SENP6: variants seen among roughly 807,000 people sequenced by gnomAD.
SENP6 encodes SUMO specific peptidase 6.
In SENP6, 41 loss-of-function variants were observed where a neutral mutation model predicts 134.5. The ratio of observed to expected loss-of-function variants is 0.30; its 90% CI spans 0.24 to 0.40. The LOEUF (loss-of-function observed/expected upper bound fraction) is 0.40. SENP6 is among the 10% of genes least tolerant of loss of function. The pLI is 1.00. For missense variants in SENP6, 1,248 were observed against 1,312.5 expected, an observed-to-expected ratio of 0.95 and a Z score of 0.76; for synonymous variants, 395 against 429.8, an observed-to-expected ratio of 0.92 and a Z score of 1.00.
At chr6:75,685,841 C>T (rs1038707065) in intron 16 of SENP6, among the ~76,000 whole-genome samples, 7 of 151,970 alleles carry the variant, frequency 4.6e-5, no homozygotes, top group Admixed American at 6.6e-5. Context: ...TGAATAAGTG[C>T]GATGTGGTGC....
intron 11 of SENP6, 86 bp from the exon 12 acceptor site, chr6:75,675,349 A>T (rs1582831653): frequency 6.6e-6 from 5 of 761,312 alleles, no homozygotes; most frequent in Middle Eastern, 2.4e-4. Context: ...GAGTAATATA[A>T]GAAACATTCT....
intron 18 of SENP6, among the ~76,000 whole-genome samples, chr6:75,699,596 T>C (rs1010821829): frequency 6.6e-6 from 1 of 152,122 alleles, no homozygotes; most frequent in Non-Finnish European, 1.5e-5. Flanking sequence ...TAAGTGATCC[T>C]CCGACCTCAG....
chr6:75,624,031 T>C, intron 3 of SENP6, 71 bp downstream of exon 3: 2 of 1,253,866 alleles, frequency 1.6e-6, no homozygotes, highest in Non-Finnish European at 2.2e-6. Context: ...AAAGATTTAA[T>C]ATTTTTAAAT....
intron 19 of SENP6, among the ~76,000 whole-genome samples, chr6:75,705,728 T>C (rs1267437733): frequency 3.4e-5 from 5 of 147,718 alleles, no homozygotes; most frequent in African/African-American, 1.3e-4. Context: ...ATAGATCTAA[T>C]ACATTTTTCT....
At chr6:75,650,557 T>C (rs1041818428) in intron 7 of SENP6, among the ~76,000 whole-genome samples, 5 of 152,162 alleles carry the variant, frequency 3.3e-5, no homozygotes, top group South Asian at 2.1e-4. Context: ...CTTCCTGATA[T>C]ATTTATTGAT....
intron 3 of SENP6, among the ~76,000 whole-genome samples, chr6:75,632,018 G>A (rs1056373467): frequency 1.3e-5 from 2 of 152,150 alleles, no homozygotes; most frequent in Non-Finnish European, 2.9e-5. Flanking sequence ...TTCTGGGAGC[G>A]TGTGGGTTCT....
chr6:75,694,372 C>T (rs1369877482), intron 16 of SENP6, among the ~76,000 whole-genome samples: 1 of 152,206 alleles, frequency 6.6e-6, no homozygotes, highest in African/African-American at 2.4e-5. Flanking sequence ...TACTATGCTG[C>T]TGGATCTTCG....
rs376420938 is a variant in SENP6, at chr6:75,677,150, C to T, written c.1742C>T (p.Ala581Val). Residue 581 changes from alanine (A) to valine (V), a missense_variant, in exon 14 of 24, where the codon GCG becomes GTG. Physicochemically the swap from Ala to Val is moderately conservative, Grantham distance 64 (BLOSUM62 0). Around this residue, in one of 3 missense-constraint regions of SENP6, gnomAD observed 733 missense variants for 725.4 expected, o/e 1.01. Coordinates refer to ENST00000447266, the MANE Select transcript of SENP6 (RefSeq NM_015571.4). ...GIKNNISNFF[A>V]KIPFEEANGR... ...AAGAATAACATCTCCAATTTTTTTGCGAAAATTCCCTTTGAAGAAGCTAAT... is the reference window on the plus strand; with the variant it reads ...AAGAATAACATCTCCAATTTTTTTGTGAAAATTCCCTTTGAAGAAGCTAAT... 34 of 1,611,766 alleles carry T rather than the reference C, an allele frequency of 2.1e-5. No individual in the cohort carries two copies. Among genetic ancestry groups the T allele is most frequent in the East Asian group, 2.0e-4 (9 of 44,768 alleles).
chr6:75,683,290 A>G (rs1244538283), intron 16 of SENP6, among the ~76,000 whole-genome samples: 1 of 151,842 alleles, frequency 6.6e-6, no homozygotes, highest in African/African-American at 2.4e-5. Context: ...TTCATTGTAG[A>G]TTCTGGATAT....
At chr6:75,659,028 G>A (rs1051684417) in intron 7 of SENP6, among the ~76,000 whole-genome samples, 1 of 148,724 alleles carries the variant, frequency 6.7e-6, no homozygotes, top group East Asian at 2.0e-4. Flanking sequence ...TGAGTGGTTA[G>A]GCACAGGAAG....
intron 19 of SENP6, among the ~76,000 whole-genome samples, chr6:75,703,341 T>C (rs935552175): frequency 7.2e-5 from 11 of 152,180 alleles, no homozygotes; most frequent in East Asian, 1.9e-4. Flanking sequence ...TATAACAATA[T>C]AGTAACACAA....
chr6:75,638,610 ATATATATATATATTTTTTT>A (rs1203285022), intron 5 of SENP6, among the ~76,000 whole-genome samples: 22 of 48,856 alleles, frequency 4.5e-4, no homozygotes, highest in African/African-American at 1.7e-3. Flanking sequence ...ATATATATAT[ATATATATATATATTTTTTT>A]TTTTTTTTTT....
At chr6:75,617,701 C>T (rs1471169569) in intron 1 of SENP6, among the ~76,000 whole-genome samples, 1 of 152,180 alleles carries the variant, frequency 6.6e-6, no homozygotes, top group African/African-American at 2.4e-5. Context: ...TTACTATTAC[C>T]TGAACTACAA....
intron 9 of SENP6, 21 bp from the exon 10 acceptor site, chr6:75,666,691 A>C: frequency 8.9e-7 from 1 of 1,125,420 alleles, no homozygotes; most frequent in Non-Finnish European, 1.2e-6. Context: ...TATAAATTAT[A>C]AATTATTAAA....
chr6:75,669,783 A>G (rs1582818525), intron 10 of SENP6, among the ~76,000 whole-genome samples: 1 of 152,198 alleles, frequency 6.6e-6, no homozygotes, highest in South Asian at 2.1e-4. Flanking sequence ...TTCAAGTATC[A>G]CTGCCACTAT....
chr6:75,691,908 G>A (rs753013090), intron 16 of SENP6, among the ~76,000 whole-genome samples: 11 of 151,942 alleles, frequency 7.2e-5, no homozygotes, highest in Non-Finnish European at 1.5e-4. Context: ...CCAGGCTGGA[G>A]TGCAATGGCA....
At position 75,631,014 on chromosome 6, in the gene SENP6, A is replaced by G. The variant is rs772718942; in HGVS notation, c.208-2567A>G. On this transcript the variant is annotated intron_variant, in intron 3 of 23. Transcript: ENST00000447266. ...AGCTCTAAGCTGCTATTTAATCCAT[A>G]CATTGGATTTTTTTTTTTTACTTTT... Among the ~76,000 whole-genome samples, 3 of 152,096 alleles carry G rather than the reference A, an allele frequency of 2.0e-5. No homozygotes were observed. In the South Asian group the frequency reaches 6.2e-4, roughly 32 times the overall value.
At chr6:75,637,965 A>G (rs1769655179) in intron 5 of SENP6, among the ~76,000 whole-genome samples, 2 of 152,098 alleles carry the variant, frequency 1.3e-5, no homozygotes, top group African/African-American at 4.8e-5. Context: ...GGTTTAAGCA[A>G]TTCTCAGCCT....
rs143511046 is a variant in SENP6, at chr6:75,681,076, G to A, written c.2075+2149G>A. On this transcript the variant is annotated intron_variant, in intron 16 of 23. Transcript: ENST00000447266. ...TAACACCAAGAAGACACAAATGTCA[G>A]AATTATTTGACAAAGATTTTAAAGC... 3.4e-3 allele frequency among the ~76,000 whole-genome samples: 513 copies of A among 152,308 alleles called. 3 individuals carry two copies. The highest frequency in any genetic ancestry group is 5.6e-3 in the Non-Finnish European group (382 of 68,034).
Sources: allele counts gnomAD v4.1 joint callset (sites outside exome capture counted in the v4.1 genomes callset), GRCh38; gene constraint gnomAD v4.1.1; regional missense constraint gnomAD v4.1.1; transcripts MANE v1.5; gene names NCBI Gene and HGNC (gene_info 2026-07-23, HGNC 2026-07-21).